The following MERTK variants were observed in gnomAD, a reference collection of about 807,000 sequenced individuals.
The protein encoded by MERTK is tyrosine-protein kinase Mer.
MERTK carries 69 observed loss-of-function variants against 99.3 expected under a neutral mutation model. The observed-to-expected ratio is 0.70, with a 90% CI of 0.57 to 0.85. The LOEUF (loss-of-function observed/expected upper bound fraction) is 0.85. Among genes scored for constraint, MERTK ranks in the 40% least tolerant of loss-of-function variants. The pLI, the probability that MERTK is intolerant of heterozygous loss-of-function variation, is 0.00. For synonymous variants in MERTK, 426 were observed against 467.6 expected (o/e 0.91, Z 1.15); for missense variants, 1,125 against 1,249.4 (o/e 0.90, Z 1.50).
intron 1 of MERTK, among the ~76,000 whole-genome samples, chr2:111,904,080 T>C (rs1332762859): frequency 6.6e-6 from 1 of 152,062 alleles, no homozygotes; most frequent in Non-Finnish European, 1.5e-5. Context: ...TGTTTCCTAG[T>C]AGTTTGAGCA....
chr2:111,935,221 T>C (rs1684744026), intron 2 of MERTK, among the ~76,000 whole-genome samples: 1 of 152,202 alleles, frequency 6.6e-6, no homozygotes, highest in Non-Finnish European at 1.5e-5. Context: ...AATTCATTAT[T>C]TGTTGGCTGC....
At chr2:111,974,769 C>CAAAAAA (rs35594851) in intron 6 of MERTK, among the ~76,000 whole-genome samples, 65 of 53,104 alleles carry the variant, frequency 1.2e-3, no homozygotes, top group East Asian at 2.3e-3. Flanking sequence ...AGGTCCATCT[C>CAAAAAA]AAAAAAAAAA....
intron 17 of MERTK, among the ~76,000 whole-genome samples, chr2:112,022,034 T>C (rs1250426279): frequency 6.6e-6 from 1 of 152,194 alleles, no homozygotes; most frequent in Non-Finnish European, 1.5e-5. Flanking sequence ...ACGAGGCTGT[T>C]TCTGCCTTTG....
intron 2 of MERTK, among the ~76,000 whole-genome samples, chr2:111,939,482 TA>T (rs1002290977): frequency 1.3e-5 from 2 of 151,886 alleles, no homozygotes; most frequent in East Asian, 3.9e-4. Context: ...AGCACTTAAT[TA>T]ATTAATTAAT....
chr2:112,020,764 A>G, intron 16 of MERTK: 1 of 443,484 alleles, frequency 2.3e-6, no homozygotes, highest in Non-Finnish European at 4.6e-6. Context: ...TCAGTCCACC[A>G]GAGGGCTCTG....
intron 4 of MERTK, among the ~76,000 whole-genome samples, chr2:111,960,854 G>A (rs1304374624): frequency 2.0e-5 from 3 of 151,524 alleles, no homozygotes; most frequent in Non-Finnish European, 2.9e-5. Context: ...TTTAAATTAC[G>A]AAAAATTTAA....
chr2:112,029,228 A>C lies in MERTK; in HGVS notation c.*364A>C. 1 of 990,930 alleles carries C rather than the reference A, an allele frequency of 1.0e-6. No homozygotes were observed. Among genetic ancestry groups the C allele is most frequent in the Non-Finnish European group, 1.2e-6 (1 of 828,388 alleles). 61.4% of individuals were successfully genotyped at this position (990,930 alleles called of 1,614,324 possible). Reference sequence around the variant, plus strand: ...TCTTTTTCATGACTATTAAATGTAAAAATATTTGTAAAATGAAATGCCATA... The same window carrying C: ...TCTTTTTCATGACTATTAAATGTAACAATATTTGTAAAATGAAATGCCATA... On this transcript the variant is annotated 3_prime_UTR_variant, in exon 19 of 19. Coordinates refer to ENST00000295408, the MANE Select transcript of MERTK (RefSeq NM_006343.3).
At chr2:112,004,618 A>T (rs530599219) in intron 13 of MERTK, among the ~76,000 whole-genome samples, 2 of 152,308 alleles carry the variant, frequency 1.3e-5, no homozygotes, top group East Asian at 3.9e-4. Flanking sequence ...AGCGCTATTA[A>T]GAGGCTTAAC....
At chr2:112,000,005 G>C (rs182688362) in intron 10 of MERTK, among the ~76,000 whole-genome samples, 253 of 152,178 alleles carry the variant, frequency 1.7e-3, no homozygotes, top group Admixed American at 3.9e-3. Flanking sequence ...AAGTACATTC[G>C]CAAGGGTGGG....
chr2:111,996,903 T>C (rs1676755460), intron 9 of MERTK: 1 of 254,162 alleles, frequency 3.9e-6, no homozygotes, highest in East Asian at 1.0e-4. Flanking sequence ...TCGATCGTTT[T>C]TTTACAAAGA....
intron 16 of MERTK, among the ~76,000 whole-genome samples, chr2:112,020,386 G>A (rs2104422549): frequency 6.6e-6 from 1 of 152,258 alleles, no homozygotes. Context: ...CTGGCCTGAG[G>A]GGTTTCTCAG....
intron 1 of MERTK, among the ~76,000 whole-genome samples, chr2:111,907,349 G>A (rs1156751974): frequency 6.6e-6 from 1 of 152,174 alleles, no homozygotes. Flanking sequence ...AGGAGGCGGA[G>A]GTTGCAGTGA....
intron 6 of MERTK, 121 bp from the exon 7 acceptor site, chr2:111,975,168 G>A: frequency 1.1e-6 from 1 of 925,120 alleles, no homozygotes; most frequent in South Asian, 1.3e-5. Flanking sequence ...GCCCAGAAAG[G>A]AAGCAGGTCC....
At chr2:112,010,138 T>G (rs760878927) in intron 15 of MERTK, 72 bp downstream of exon 15, 16 of 1,140,066 alleles carry the variant, frequency 1.4e-5, no homozygotes, top group Non-Finnish European at 1.9e-5. Context: ...AACCAAATCA[T>G]CTAATCTTGA....
intron 4 of MERTK, among the ~76,000 whole-genome samples, chr2:111,959,678 T>G (rs1300874756): frequency 6.6e-6 from 1 of 152,086 alleles, no homozygotes; most frequent in Non-Finnish European, 1.5e-5. Flanking sequence ...TTCACCATGT[T>G]GCCCCAGGGT....
At chr2:111,996,652 T>C (rs72825639) in intron 9 of MERTK, 3,478 of 161,718 alleles carry the variant, frequency 0.022, 68 homozygotes, top group Middle Eastern at 0.067. Context: ...GGTGAACTTA[T>C]GCACATACAT....
At chr2:111,935,744 A>G (rs1516638) in intron 2 of MERTK, among the ~76,000 whole-genome samples, 147,766 of 151,522 alleles carry the variant, frequency 0.98, 72,169 homozygotes, top group Middle Eastern at 1. Flanking sequence ...AATACCAAAC[A>G]TACAAAGAAA....
intron 3 of MERTK, 91 bp from the exon 4 acceptor site, chr2:111,947,303 T>C (rs1684977387): frequency 8.5e-7 from 1 of 1,180,646 alleles, no homozygotes; most frequent in South Asian, 1.2e-5. Flanking sequence ...AGAAATCTAT[T>C]GCCAAGTTCT....
At chr2:111,993,039 G>T (rs975699492) in intron 8 of MERTK, among the ~76,000 whole-genome samples, 1 of 152,172 alleles carries the variant, frequency 6.6e-6, no homozygotes. Context: ...TGCCCAGCTG[G>T]TGTCTGCTGT....
Sources: gnomAD v4.1 joint callset for allele counts (sites outside exome capture counted in the v4.1 genomes callset) on GRCh38, gnomAD v4.1.1 for gene constraint, MANE v1.5 for transcripts, NCBI Gene and HGNC (gene_info 2026-07-23, HGNC 2026-07-21) for gene names.